The following ZNF469 variants were observed in gnomAD, a reference collection of about 807,000 sequenced individuals.
The protein encoded by ZNF469 is zinc finger protein 469.
Under a neutral mutation model 1.0 loss-of-function variants are expected in ZNF469, and 1 was observed. The observed-to-expected ratio is 1.00, with a 90% CI of 0.35 to 4.73. The LOEUF is 4.73. Among genes scored for constraint, ZNF469 ranks in the 30% most tolerant of loss-of-function variants. The pLI is 0.16. For missense variants in ZNF469, 6,100 were observed against 5,356.3 expected (o/e 1.14, Z -4.33); for synonymous variants, 2,703 against 2,363.4 (o/e 1.14, Z -4.17).
chr16:88,326,218 GC>G, the ZNF469 span, among the ~76,000 whole-genome samples: 1 of 152,192 alleles, frequency 6.6e-6, no homozygotes, highest in South Asian at 2.1e-4. Context: ...CTCTTTCCAT[GC>G]TGTTCTCGTG....
At chr16:88,176,059 C>T in the ZNF469 span, among the ~76,000 whole-genome samples, 1 of 152,154 alleles carries the variant, frequency 6.6e-6, no homozygotes, top group Non-Finnish European at 1.5e-5. Flanking sequence ...TAGAAGTTCC[C>T]ACCTGCTTCC....
chr16:88,113,414 C>T, the ZNF469 span, among the ~76,000 whole-genome samples: 3 of 152,176 alleles, frequency 2.0e-5, no homozygotes, highest in Non-Finnish European at 2.9e-5. Flanking sequence ...ACTGTAGGTG[C>T]GTGGGTAATG....
At chr16:88,381,484 A>G (rs575144327), upstream of ZNF469, among the ~76,000 whole-genome samples, 17 of 152,372 alleles carry the variant, frequency 1.1e-4, no homozygotes, top group South Asian at 1.0e-3. Context: ...CAGACCCAGT[A>G]GAAACGAGAA....
the ZNF469 span, among the ~76,000 whole-genome samples, chr16:88,121,919 C>T: frequency 6.6e-6 from 1 of 152,242 alleles, no homozygotes; most frequent in African/African-American, 2.4e-5. Flanking sequence ...TCCCTGTCCT[C>T]TCATCAAAGT....
chr16:88,256,895 CTTCT>C, the ZNF469 span, among the ~76,000 whole-genome samples: 493 of 51,370 alleles, frequency 9.6e-3, 9 homozygotes, highest in African/African-American at 0.033. Flanking sequence ...CTTTTCTTTC[CTTCT>C]TTCTTTCTTT....
intron 1 of ZNF469, among the ~76,000 whole-genome samples, chr16:88,416,115 C>T (rs527600816): frequency 3.1e-4 from 47 of 152,328 alleles, no homozygotes; most frequent in African/African-American, 8.2e-4. Flanking sequence ...AGCCACCAGG[C>T]GTCGCAGAAA....
chr16:88,383,604 CG>C (rs1389059162), intron 1 of ZNF469, among the ~76,000 whole-genome samples: 1 of 150,378 alleles, frequency 6.6e-6, no homozygotes, highest in Non-Finnish European at 1.5e-5. Flanking sequence ...GCGAGGGGCT[CG>C]GGGAGCGGGA....
the ZNF469 span, among the ~76,000 whole-genome samples, chr16:88,153,223 C>T: frequency 6.6e-6 from 1 of 152,222 alleles, no homozygotes; most frequent in African/African-American, 2.4e-5. Context: ...AATGGCTGCA[C>T]CACAGCGGAG....
chr16:88,324,555 G>A, the ZNF469 span, among the ~76,000 whole-genome samples: 2 of 152,256 alleles, frequency 1.3e-5, no homozygotes, highest in Non-Finnish European at 2.9e-5. Flanking sequence ...AGCTGGTGGT[G>A]GAAGGCAGGT....
chr16:88,314,680 C>T, the ZNF469 span, among the ~76,000 whole-genome samples: 4 of 110,770 alleles, frequency 3.6e-5, no homozygotes, highest in African/African-American at 7.0e-5. Flanking sequence ...TCTGTAATTA[C>T]GATGATGCTG....
At chr16:88,331,865 A>G in the ZNF469 span, among the ~76,000 whole-genome samples, 4 of 152,238 alleles carry the variant, frequency 2.6e-5, no homozygotes, top group African/African-American at 9.6e-5. Flanking sequence ...TGTCATCATT[A>G]TTCATTTTTC....
chr16:88,320,540 T>C, the ZNF469 span, among the ~76,000 whole-genome samples: 1 of 152,132 alleles, frequency 6.6e-6, no homozygotes, highest in Non-Finnish European at 1.5e-5. Flanking sequence ...CCCACCACCA[T>C]ATCTGGCTAG....
intron 1 of ZNF469, among the ~76,000 whole-genome samples, chr16:88,409,995 G>A (rs996670437): frequency 6.6e-6 from 1 of 152,014 alleles, no homozygotes; most frequent in Non-Finnish European, 1.5e-5. Flanking sequence ...CCAGGAAGGG[G>A]ATGCCGAGTG....
intron 1 of ZNF469, among the ~76,000 whole-genome samples, chr16:88,414,971 C>T (rs1397390159): frequency 6.6e-6 from 1 of 152,234 alleles, no homozygotes; most frequent in Admixed American, 6.5e-5. Context: ...CAGGGTCAGC[C>T]GCGCCAGGGC....
the ZNF469 span, among the ~76,000 whole-genome samples, chr16:88,254,677 G>T: frequency 1.3e-5 from 2 of 152,194 alleles, no homozygotes; most frequent in Non-Finnish European, 2.9e-5. Flanking sequence ...AGAATTGCTT[G>T]ATCCTGGGAG....
At chr16:88,371,673 T>G in the ZNF469 span, among the ~76,000 whole-genome samples, 1 of 152,336 alleles carries the variant, frequency 6.6e-6, no homozygotes, top group East Asian at 1.9e-4. Context: ...TTCCATCTCT[T>G]CCTCAGTGAT....
At chr16:88,292,855 G>A in the ZNF469 span, among the ~76,000 whole-genome samples, 4 of 148,974 alleles carry the variant, frequency 2.7e-5, no homozygotes, top group Non-Finnish European at 5.9e-5. Flanking sequence ...CAGCTCACCA[G>A]GAACTTTAAA....
chr16:88,321,077 G>A, the ZNF469 span, among the ~76,000 whole-genome samples: 5 of 152,250 alleles, frequency 3.3e-5, no homozygotes, highest in South Asian at 6.2e-4. Context: ...TCAGCCAGTC[G>A]GTCCCAGGTT....
chr16:88,117,055 G>C, the ZNF469 span, among the ~76,000 whole-genome samples: 2 of 152,178 alleles, frequency 1.3e-5, no homozygotes, highest in African/African-American at 4.8e-5. Flanking sequence ...CTGATGGCTT[G>C]GCGTGCTGCT....
Sources: gnomAD v4.1 joint callset for allele counts (sites outside exome capture counted in the v4.1 genomes callset) on GRCh38, gnomAD v4.1.1 for gene constraint, MANE v1.5 for transcripts, NCBI Gene and HGNC (gene_info 2026-07-23, HGNC 2026-07-21) for gene names.